The following TAF5L variants were observed in gnomAD, a reference collection of about 807,000 sequenced individuals.
TAF5L encodes the protein TATA-box binding protein associated factor 5 like.
TAF5L carries 7 observed loss-of-function variants against 51.3 expected under a neutral mutation model. That is an observed-to-expected ratio of 0.14 (90% CI 0.08 to 0.26). The LOEUF is 0.26. Among genes scored for constraint, TAF5L ranks in the 10% least tolerant of loss-of-function variants. The probability of loss-of-function intolerance (pLI) is 1.00; values close to 1 mark genes in which losing one functional copy is unlikely to be tolerated. For missense variants in TAF5L, 575 were observed against 758.9 expected (o/e 0.76, Z 2.85); for synonymous variants, 291 against 308.1 (o/e 0.94, Z 0.58).
chr1:229,596,155 T>C (rs1018863238), intron 4 of TAF5L, among the ~76,000 whole-genome samples: 1 of 152,124 alleles, frequency 6.6e-6, no homozygotes, highest in African/African-American at 2.4e-5. Flanking sequence ...ATGCCTGTGG[T>C]CCCAGACACT....
Position 229,594,173 on chromosome 1 carries a change from A to C in TAF5L, c.*124T>G. 1.8e-6 allele frequency: 2 copies of C among 1,133,974 alleles called. No homozygotes were observed. Among genetic ancestry groups the C allele is most frequent in the Non-Finnish European group, 2.5e-6 (2 of 810,838 alleles). The allele number at this position is 1,133,974 out of a possible 1,614,324, so 70.2% of individuals were successfully genotyped here. A position where few individuals can be genotyped will look rare whatever the true frequency, so the allele number is the denominator to read the frequency against. On this transcript the variant is annotated 3_prime_UTR_variant, in exon 5 of 5. Coordinates refer to ENST00000258281, the Ensembl canonical transcript of TAF5L. The surrounding 1 kb of genome is among the most constrained non-coding windows in gnomAD (Gnocchi z 7.9). ...AGTGAAGGGGGACCTGCCCGGAATG[A>C]GGGCCCAGGAGAGAGGGGAGGAGGG...
rs917254916 is a variant in TAF5L, at chr1:229,608,512, G to A, written c.247+1594C>T. On this transcript the variant is annotated intron_variant, in intron 3 of 4. Transcript: ENST00000258281. ...AAAGAAAAACCGAATTTATAATAAG[G>A]GTTTCTTTCATTGAGAGGTAAGAAC... Among the ~76,000 whole-genome samples, 12 of 152,044 alleles carry A rather than the reference G, an allele frequency of 7.9e-5. 1 individual carries two copies. In the South Asian group the frequency reaches 1.7e-3, roughly 21 times the overall value.
chr1:229,611,806 T>C (rs1664801427), intron 2 of TAF5L, among the ~76,000 whole-genome samples: 1 of 152,226 alleles, frequency 6.6e-6, no homozygotes, highest in African/African-American at 2.4e-5. Context: ...TTTGAAAACC[T>C]GGATACCCTC....
Position 229,602,342 on chromosome 1 carries a change from T to G in TAF5L, c.825A>C (p.Glu275Asp). Reference sequence around the variant, plus strand: ...CAAGCAGCTTGCTATCGGGGGAGATTTCTGCAGTGTTCAACAGCTGCTCTG... The same window carrying G: ...CAAGCAGCTTGCTATCGGGGGAGATGTCTGCAGTGTTCAACAGCTGCTCTG... Residue 275 changes from glutamate (E) to aspartate (D), a missense_variant, in exon 4 of 5, where the codon GAA (glutamate) becomes GAC (aspartate). Glu to Asp is a conservative substitution (Grantham distance 45). Transcript: ENST00000258281. The surrounding 1 kb of genome is among the most constrained non-coding windows in gnomAD (Gnocchi z 4.6). 3 of 1,614,126 alleles carry G rather than the reference T, an allele frequency of 1.9e-6. No individual in the cohort carries two copies. The highest frequency in any genetic ancestry group is 2.5e-6 in the Non-Finnish European group (3 of 1,180,018).
At chr1:229,614,541 T>C in intron 1 of TAF5L, 56 bp from the exon 2 acceptor site, 1 of 1,596,610 alleles carries the variant, frequency 6.3e-7, no homozygotes, top group Non-Finnish European at 8.6e-7. Flanking sequence ...GAGAGCAACC[T>C]ATCTAACTGC....
In TAF5L at chr1:229,610,131, A is replaced by G. The variant is rs1188598532; in HGVS notation, c.222T>C (p.Phe74=). 4 of 1,614,202 alleles carry G rather than the reference A, an allele frequency of 2.5e-6. No individual in the cohort carries two copies. In the East Asian group the frequency reaches 8.9e-5, roughly 36 times the overall value. ...CAGTGAGAAAATTCCGCAGTCGTCC[A>G]AACTGTACTTCATATTGCTGGGGTT... is the stretch of plus-strand genomic sequence containing the variant. The change falls in exon 3 of 5, where the codon TTT becomes TTC. Residue 74 remains phenylalanine, a synonymous_variant. Coordinates refer to ENST00000258281, the Ensembl canonical transcript of TAF5L.
chr1:229,595,505 T>A (rs1432271443), intron 4 of TAF5L, among the ~76,000 whole-genome samples: 1 of 152,248 alleles, frequency 6.6e-6, no homozygotes, highest in Non-Finnish European at 1.5e-5. Context: ...TCTATGGGCA[T>A]TGCCTTCATC....
chr1:229,618,334 T>C (rs1259428954), intron 1 of TAF5L, among the ~76,000 whole-genome samples: 1 of 152,242 alleles, frequency 6.6e-6, no homozygotes, highest in Non-Finnish European at 1.5e-5. Context: ...TACTTAACTT[T>C]CAGAGGTAAA....
At chr1:229,621,434 A>T (rs1041720444) in intron 1 of TAF5L, among the ~76,000 whole-genome samples, 1 of 152,222 alleles carries the variant, frequency 6.6e-6, no homozygotes, top group South Asian at 2.1e-4. Flanking sequence ...TACTGGGAGG[A>T]TATCTTCTTT....
chr1:229,608,082 C>T (rs143935733), intron 3 of TAF5L, among the ~76,000 whole-genome samples: 31 of 152,214 alleles, frequency 2.0e-4, no homozygotes, highest in Admixed American at 1.6e-3. Context: ...TGGTAAACGA[C>T]GAGTATACAG....
rs41304137 is a variant in TAF5L at position 229,594,944 on chromosome 1, T to C, written c.1123A>G (p.Thr375Ala). The C allele has an allele frequency of 1.5e-3, 2,478 of 1,614,146 alleles. 7 individuals are homozygous for C. The highest frequency in any genetic ancestry group is 7.3e-3 in the Middle Eastern group (44 of 6,062). Reference sequence around the variant, plus strand: ...TGTCCTTGGTACAACACAGTGTTGGTGAAACTCCCCAGATCCCAGTATCTG... The same window carrying C: ...TGTCCTTGGTACAACACAGTGTTGGCGAAACTCCCCAGATCCCAGTATCTG... Residue 375 changes from threonine to alanine, a missense_variant, in exon 5 of 5, where the codon ACC becomes GCC. By Grantham distance (58) the Thr-to-Ala change is moderately conservative. This residue lies in a region of TAF5L where 104 missense variants were observed against 218.3 expected (regional missense o/e 0.48). Transcript: ENST00000258281. This position sits in a 1 kb window ranked among gnomAD's most constrained non-coding sequence, Gnocchi z 7.9.
chr1:229,599,175 A>C (rs1302182828), intron 4 of TAF5L: 6 of 782,008 alleles, frequency 7.7e-6, no homozygotes, highest in Non-Finnish European at 9.3e-6. Flanking sequence ...AGTGGGAGAC[A>C]ACAGAAGCTA....
chr1:229,617,903 TG>T (rs1222067478), intron 1 of TAF5L, among the ~76,000 whole-genome samples: 1 of 152,122 alleles, frequency 6.6e-6, no homozygotes. Flanking sequence ...GGGTGGGTGG[TG>T]AATCAACTGT....
At chr1:229,618,119 A>G (rs1665072790) in intron 1 of TAF5L, among the ~76,000 whole-genome samples, 1 of 152,192 alleles carries the variant, frequency 6.6e-6, no homozygotes. Flanking sequence ...TAATATCCAA[A>G]AAGGGACAAG....
chr1:229,599,014 C>G (rs1664260324), intron 4 of TAF5L, among the ~76,000 whole-genome samples: 1 of 152,120 alleles, frequency 6.6e-6, no homozygotes, highest in African/African-American at 2.4e-5. Context: ...ATTTCTATCT[C>G]CATTTCATAT....
chr1:229,615,235 C>T (rs1160902953), intron 1 of TAF5L, among the ~76,000 whole-genome samples: 2 of 151,982 alleles, frequency 1.3e-5, no homozygotes, highest in African/African-American at 4.8e-5. Flanking sequence ...CTACAGGCAC[C>T]CACCACCACG....
intron 3 of TAF5L, among the ~76,000 whole-genome samples, chr1:229,603,555 A>G (rs754522098): frequency 1.2e-4 from 19 of 152,240 alleles, no homozygotes; most frequent in Non-Finnish European, 2.1e-4. Context: ...CTGTGTTAAC[A>G]TGACAGCCTT....
Position 229,594,957 on chromosome 1 carries a change from A to G in TAF5L, c.1110T>C (p.Asp370=). The stretch of plus-strand genomic sequence containing the variant: ...ACACAGTGTTGGTGAAACTCCCCAG[A>G]TCCCAGTATCTGATGGACATGTCTT... Residue 370 remains aspartate, a synonymous_variant, in exon 5 of 5, where the codon GAT becomes GAC. Coordinates refer to ENST00000258281, the Ensembl canonical transcript of TAF5L. This position sits in a 1 kb window ranked among gnomAD's most constrained non-coding sequence, Gnocchi z 7.9. 1 of 1,614,156 alleles carries G rather than the reference A, an allele frequency of 6.2e-7. No homozygotes were observed. The highest frequency in any genetic ancestry group is 8.5e-7 in the Non-Finnish European group (1 of 1,180,032).
chr1:229,593,258 C>T (rs749600917), exon 5 of TAF5L: 1 of 152,138 alleles, frequency 6.6e-6, no homozygotes, highest in African/African-American at 2.4e-5. Context: ...TACATACTTA[C>T]GATTTGTTTC....
Sources: allele counts gnomAD v4.1 joint callset (sites outside exome capture counted in the v4.1 genomes callset), GRCh38; gene constraint gnomAD v4.1.1; regional missense constraint gnomAD v4.1.1; non-coding constraint Gnocchi (gnomAD v3.1); transcripts MANE v1.5; gene names NCBI Gene and HGNC (gene_info 2026-07-23, HGNC 2026-07-21).